PTPRA: variants seen among roughly 807,000 people sequenced by gnomAD.
PTPRA encodes receptor-type tyrosine-protein phosphatase alpha.
In PTPRA, 25 loss-of-function variants were observed where a neutral mutation model predicts 104.8. The ratio of observed to expected loss-of-function variants is 0.24; its 90% CI spans 0.17 to 0.33. The LOEUF (loss-of-function observed/expected upper bound fraction) is 0.33, where lower values mean the gene tolerates loss of function less well. PTPRA is among the 10% of genes least tolerant of loss of function. The pLI is 1.00. For missense variants in PTPRA, 765 were observed against 1,015.3 expected, an observed-to-expected ratio of 0.75 and a Z score of 3.35; for synonymous variants, 323 against 368.9, an observed-to-expected ratio of 0.88 and a Z score of 1.43.
chr20:2,905,690 CTTTTTTTTTTTT>C (rs11479039), intron 1 of PTPRA, among the ~76,000 whole-genome samples: 6 of 70,636 alleles, frequency 8.5e-5, no homozygotes, highest in East Asian at 4.2e-4. Flanking sequence ...TCATAAAATT[CTTTTTTTTTTTT>C]TTTTTTTTTT....
intron 5 of PTPRA, among the ~76,000 whole-genome samples, chr20:2,974,249 C>T (rs577171600): frequency 7.9e-5 from 12 of 151,996 alleles, no homozygotes; most frequent in African/African-American, 1.4e-4. Context: ...CCACCGCGCC[C>T]GGCCGTCTGT....
the PTPRA span, among the ~76,000 whole-genome samples, chr20:2,867,457 GCTCT>G: frequency 2.6e-4 from 39 of 152,090 alleles, no homozygotes; most frequent in Admixed American, 1.3e-3. Context: ...GGGGCCCTCT[GCTCT>G]CTCTATCTAG....
rs1568713072 is a variant in PTPRA, at chr20:3,035,990, A to G, written c.2198+49A>G. On this transcript the variant is annotated intron_variant, in intron 22 of 23. Transcript: ENST00000399903. The surrounding 1 kb of genome is among the most constrained non-coding windows in gnomAD (Gnocchi z 5.8). Reference sequence around the variant, plus strand: ...CGGGAGAGAGAAAGCGAGGAGGGGCAGATAGGGGAAGCTGATGACCATGGG... The same window carrying G: ...CGGGAGAGAGAAAGCGAGGAGGGGCGGATAGGGGAAGCTGATGACCATGGG... 1.2e-6 allele frequency: 2 copies of G among 1,610,298 alleles called. No individual in the cohort carries two copies.
intron 9 of PTPRA, among the ~76,000 whole-genome samples, chr20:2,994,414 G>GC (rs757512549): frequency 1.3e-5 from 2 of 152,142 alleles, no homozygotes; most frequent in Non-Finnish European, 2.9e-5. Flanking sequence ...ATTATTCACA[G>GC]CCATAAACGT....
chr20:2,952,323 G>T (rs998856519), intron 3 of PTPRA, among the ~76,000 whole-genome samples: 1 of 152,054 alleles, frequency 6.6e-6, no homozygotes, highest in East Asian at 1.9e-4. Flanking sequence ...TTAATAGTTT[G>T]CAGCATCTTT....
chr20:2,875,572 G>C (rs1447927072), intron 1 of PTPRA, among the ~76,000 whole-genome samples: 3 of 152,162 alleles, frequency 2.0e-5, no homozygotes, highest in African/African-American at 7.2e-5. Context: ...GGAACTCAGA[G>C]TCTAATGTAG....
intron 2 of PTPRA, among the ~76,000 whole-genome samples, chr20:2,945,979 ATATAT>A (rs1392100863): frequency 2.0e-5 from 3 of 151,970 alleles, no homozygotes; most frequent in African/African-American, 7.3e-5. Context: ...TTTAAGATAG[ATATAT>A]TTATATAGCT....
At chr20:2,995,699 TG>T (rs2063370145) in intron 9 of PTPRA, among the ~76,000 whole-genome samples, 1 of 152,212 alleles carries the variant, frequency 6.6e-6, no homozygotes, top group African/African-American at 2.4e-5. Context: ...TCGCAAAATT[TG>T]GAAACCTTAA....
At chr20:2,994,289 C>A (rs539902861) in intron 9 of PTPRA, among the ~76,000 whole-genome samples, 1 of 152,078 alleles carries the variant, frequency 6.6e-6, no homozygotes, top group African/African-American at 2.4e-5. Flanking sequence ...TCTGAAATGA[C>A]CCAGGCCTAC....
chr20:2,910,063 ATAAT>A (rs2059609892), intron 1 of PTPRA, among the ~76,000 whole-genome samples: 1 of 123,602 alleles, frequency 8.1e-6, no homozygotes, highest in Non-Finnish European at 1.6e-5. Context: ...CATATCATAT[ATAAT>A]ATATATGATG....
chr20:2,996,464 G>A (rs985779158), intron 9 of PTPRA, among the ~76,000 whole-genome samples: 4 of 152,178 alleles, frequency 2.6e-5, no homozygotes, highest in African/African-American at 9.7e-5. Flanking sequence ...AGATGGGGAA[G>A]GCCTTTCTAA....
chr20:2,923,672 G>GCACA (rs2060183618), intron 2 of PTPRA, among the ~76,000 whole-genome samples: 1 of 152,034 alleles, frequency 6.6e-6, no homozygotes, highest in Admixed American at 6.6e-5. Flanking sequence ...GGTGGCATGT[G>GCACA]CCTGTAATCC....
At chr20:2,921,402 A>T (rs1478105464) in intron 1 of PTPRA, among the ~76,000 whole-genome samples, 1 of 148,668 alleles carries the variant, frequency 6.7e-6, no homozygotes, top group South Asian at 2.1e-4. Flanking sequence ...TATACAGAGT[A>T]TACCAATTTA....
At chr20:3,016,120 G>A (rs2064435074) in intron 12 of PTPRA, among the ~76,000 whole-genome samples, 1 of 152,176 alleles carries the variant, frequency 6.6e-6, no homozygotes, top group South Asian at 2.1e-4. Context: ...ATATTAAAAA[G>A]ACTGGAAAAG....
chr20:2,921,733 A>G (rs79784311), intron 1 of PTPRA, among the ~76,000 whole-genome samples: 3,602 of 152,204 alleles, frequency 0.024, 69 homozygotes, highest in Non-Finnish European at 0.038. Flanking sequence ...CTGTGAAGAA[A>G]AGGGGAACGG....
chr20:2,911,868 C>T (rs1310340278), intron 1 of PTPRA, among the ~76,000 whole-genome samples: 3 of 151,924 alleles, frequency 2.0e-5, no homozygotes, highest in Non-Finnish European at 4.4e-5. Flanking sequence ...TATACTAAAA[C>T]GGAAGTCAGT....
At chr20:2,865,956 A>G in the PTPRA span, 5 of 537,088 alleles carry the variant, frequency 9.3e-6, no homozygotes, top group African/African-American at 9.5e-5. The surrounding 1 kb of genome is among the most constrained non-coding windows in gnomAD (Gnocchi z 5.2). Context: ...GCAAGGGGTA[A>G]TGGTGGGTGG....
the PTPRA span, chr20:2,865,496 G>A: frequency 6.2e-7 from 1 of 1,613,108 alleles, no homozygotes; most frequent in Non-Finnish European, 8.5e-7. This position sits in a 1 kb window ranked among gnomAD's most constrained non-coding sequence, Gnocchi z 5.2. Context: ...TGGCTACCTG[G>A]TGAGGCAGGG....
At chr20:2,930,791 C>T (rs2060475565) in intron 2 of PTPRA, among the ~76,000 whole-genome samples, 1 of 152,152 alleles carries the variant, frequency 6.6e-6, no homozygotes, top group Admixed American at 6.5e-5. Flanking sequence ...TTCAACGACC[C>T]TATTTCCAAA....
Sources: allele counts gnomAD v4.1 joint callset (sites outside exome capture counted in the v4.1 genomes callset), GRCh38; gene constraint gnomAD v4.1.1; non-coding constraint Gnocchi (gnomAD v3.1); transcripts MANE v1.5; gene names NCBI Gene and HGNC (gene_info 2026-07-23, HGNC 2026-07-21).